The following LMTK2 variants were observed in gnomAD, a reference collection of about 807,000 sequenced individuals.
LMTK2 encodes the protein lemur tail kinase 2.
Under a neutral mutation model 127.5 loss-of-function variants are expected in LMTK2, and 37 were observed. The ratio of observed to expected loss-of-function variants is 0.29; its 90% CI spans 0.22 to 0.38. The LOEUF (loss-of-function observed/expected upper bound fraction) is 0.38, where lower values mean the gene tolerates loss of function less well. LMTK2 is among the 10% of genes least tolerant of loss of function. The pLI is 1.00. For synonymous variants in LMTK2, 819 were observed against 810.1 expected, an observed-to-expected ratio of 1.01 and a Z score of -0.19; for missense variants, 1,694 against 1,920.3, an observed-to-expected ratio of 0.88 and a Z score of 2.20.
In LMTK2 at chr7:98,171,427, A is replaced by T; in HGVS notation, c.658-114A>T. ...GGTTGGAACTTCTTTAAGTATGAAC[A>T]AAAGAAGTTTCTAATAAATAATCTT... On this transcript the variant is annotated intron_variant, in intron 6 of 13. Transcript: ENST00000297293. This position sits in a 1 kb window ranked among gnomAD's most constrained non-coding sequence, Gnocchi z 5.1. The T allele has an allele frequency of 7.3e-7, 1 of 1,371,872 alleles. No individual in the cohort carries two copies. The highest frequency in any genetic ancestry group is 1.0e-6 in the Non-Finnish European group (1 of 966,378). 85.0% of individuals were successfully genotyped at this position (1,371,872 alleles called of 1,614,324 possible). A position where few individuals can be genotyped will look rare whatever the true frequency, so the allele number is the denominator to read the frequency against.
At chr7:98,204,770 C>CA in intron 13 of LMTK2, among the ~76,000 whole-genome samples, 1 of 152,384 alleles carries the variant, frequency 6.6e-6, no homozygotes, top group Non-Finnish European at 1.5e-5. Flanking sequence ...CAGGAACGCC[C>CA]AGGCTGCGCG....
chr7:98,203,857 G>A (rs961775788), intron 12 of LMTK2, 87 bp from the exon 13 acceptor site: 10 of 1,587,444 alleles, frequency 6.3e-6, no homozygotes, highest in African/African-American at 1.4e-5. Flanking sequence ...TGTGTCTTCC[G>A]ACCTGCAGGG....
intron 9 of LMTK2, among the ~76,000 whole-genome samples, chr7:98,187,946 G>T (rs1369414662): frequency 1.3e-5 from 2 of 152,038 alleles, no homozygotes; most frequent in Non-Finnish European, 2.9e-5. Flanking sequence ...TCAAATCAGG[G>T]TAACTAGTAT....
intron 7 of LMTK2, 102 bp from the exon 8 acceptor site, chr7:98,184,949 C>A: frequency 1.2e-6 from 1 of 801,898 alleles, no homozygotes; most frequent in South Asian, 1.6e-5. Flanking sequence ...GCTCAATATA[C>A]TTACTCGGAT....
At chr7:98,133,663 G>A (rs1471447445) in intron 1 of LMTK2, among the ~76,000 whole-genome samples, 1 of 152,136 alleles carries the variant, frequency 6.6e-6, no homozygotes, top group Non-Finnish European at 1.5e-5. Context: ...GGTTGAGTAA[G>A]TGTGGTTCAC....
At chr7:98,115,112 G>A (rs1296650690) in intron 1 of LMTK2, among the ~76,000 whole-genome samples, 2 of 152,106 alleles carry the variant, frequency 1.3e-5, no homozygotes, top group Non-Finnish European at 2.9e-5. Flanking sequence ...GACATGGGAC[G>A]GAAAGAACAT....
Position 98,107,099 on chromosome 7 carries a change from C to A in LMTK2, c.-79C>A. Reference sequence around the variant, plus strand: ...GTGCCACTGAGGCAGCGGAGGGAGGCAGGATCGACTGACGGGCGAACGGAC... The same window carrying A: ...GTGCCACTGAGGCAGCGGAGGGAGGAAGGATCGACTGACGGGCGAACGGAC... On this transcript the variant is annotated 5_prime_UTR_variant, in exon 1 of 14. Coordinates refer to ENST00000297293, the MANE Select transcript of LMTK2 (RefSeq NM_014916.4). The A allele has an allele frequency of 1.8e-6, 2 of 1,116,100 alleles. No individual in the cohort carries two copies. Among genetic ancestry groups the A allele is most frequent in the Non-Finnish European group, 2.4e-6 (2 of 841,590 alleles). The allele number at this position is 1,116,100 out of a possible 1,614,324, so 69.1% of individuals were successfully genotyped here. A position where few individuals can be genotyped will look rare whatever the true frequency, so the allele number is the denominator to read the frequency against.
At position 98,140,158 on chromosome 7, in the gene LMTK2, T is replaced by TTTC. The variant is rs1562902809; in HGVS notation, c.232-1237_232-1236insCTT. Among the ~76,000 whole-genome samples, 13 of 3,624 alleles carry TTTC rather than the reference T, an allele frequency of 3.6e-3. 2 individuals are homozygous for TTTC. Among genetic ancestry groups the TTTC allele is most frequent in the African/African-American group, 6.5e-3 (13 of 1,994 alleles). The allele number at this position is 3,624 out of a possible 152,430, so 2.4% of individuals were successfully genotyped here. On this transcript the variant is annotated intron_variant, in intron 2 of 13. Coordinates refer to ENST00000297293, the MANE Select transcript of LMTK2 (RefSeq NM_014916.4). ...TCTTTCTTTCTTTTCTTTTCTTTTC[T>TTTC]TTTCTTTTCTTTTCTTTCTTTTCTT...
At chr7:98,143,897 A>C (rs999324291) in intron 3 of LMTK2, among the ~76,000 whole-genome samples, 3 of 152,184 alleles carry the variant, frequency 2.0e-5, no homozygotes, top group Non-Finnish European at 4.4e-5. Context: ...TCAATATGCA[A>C]TTTGCTAAAT....
intron 7 of LMTK2, among the ~76,000 whole-genome samples, chr7:98,184,729 T>G (rs796653879): frequency 7.9e-5 from 12 of 151,298 alleles, no homozygotes; most frequent in African/African-American, 2.9e-4. Context: ...CTAAATTGAA[T>G]GAGAAAAAAA....
intron 6 of LMTK2, among the ~76,000 whole-genome samples, chr7:98,166,790 A>G (rs954648162): frequency 6.6e-6 from 1 of 152,226 alleles, no homozygotes; most frequent in Non-Finnish European, 1.5e-5. Flanking sequence ...AGGTTCATGT[A>G]AGTATACTCT....
At chr7:98,178,337 A>G (rs1233519005) in intron 7 of LMTK2, among the ~76,000 whole-genome samples, 1 of 152,218 alleles carries the variant, frequency 6.6e-6, no homozygotes, top group African/African-American at 2.4e-5. Context: ...AAGACGCGCA[A>G]ACTAGTCCTA....
chr7:98,124,351 A>G (rs139919863), intron 1 of LMTK2, among the ~76,000 whole-genome samples: 131 of 152,274 alleles, frequency 8.6e-4, no homozygotes, highest in African/African-American at 3.1e-3. Flanking sequence ...CCGTTTCTTC[A>G]TTTTAAAATG....
chr7:98,184,732 G>GA (rs753353690), intron 7 of LMTK2, among the ~76,000 whole-genome samples: 54 of 149,796 alleles, frequency 3.6e-4, no homozygotes, highest in African/African-American at 4.9e-4. Flanking sequence ...AATTGAATGA[G>GA]AAAAAAAAAG....
chr7:98,137,944 G>A (rs759548224), intron 2 of LMTK2, among the ~76,000 whole-genome samples: 13 of 152,234 alleles, frequency 8.5e-5, no homozygotes, highest in Non-Finnish European at 1.6e-4. Flanking sequence ...GGATCCCCCA[G>A]TGTGTTTTGT....
intron 11 of LMTK2, among the ~76,000 whole-genome samples, chr7:98,201,424 G>C (rs1797702438): frequency 1.3e-5 from 2 of 152,160 alleles, no homozygotes; most frequent in Non-Finnish European, 2.9e-5. Context: ...AACACTTTGG[G>C]CGTCATGTCA....
intron 7 of LMTK2, among the ~76,000 whole-genome samples, chr7:98,182,881 A>G (rs533424335): frequency 6.6e-6 from 1 of 152,352 alleles, no homozygotes; most frequent in Non-Finnish European, 1.5e-5. Context: ...GAATGAACTC[A>G]TCCTCTCAGC....
At chr7:98,139,224 A>G (rs956509527) in intron 2 of LMTK2, among the ~76,000 whole-genome samples, 2 of 151,768 alleles carry the variant, frequency 1.3e-5, no homozygotes, top group African/African-American at 4.8e-5. Context: ...CAATCCTCCC[A>G]CCTTAGCCTC....
At chr7:98,162,435 A>G (rs988810918) in intron 6 of LMTK2, among the ~76,000 whole-genome samples, 1 of 152,218 alleles carries the variant, frequency 6.6e-6, no homozygotes, top group Non-Finnish European at 1.5e-5. Flanking sequence ...TACTTAGACT[A>G]AGTATTCAAA....
Sources: allele counts gnomAD v4.1 joint callset (sites outside exome capture counted in the v4.1 genomes callset), GRCh38; gene constraint gnomAD v4.1.1; non-coding constraint Gnocchi (gnomAD v3.1); transcripts MANE v1.5; gene names NCBI Gene and HGNC (gene_info 2026-07-23, HGNC 2026-07-21).